Variants in GRIK1 observed in about 807,000 individuals in gnomAD.
The protein encoded by GRIK1 is glutamate receptor ionotropic, kainate 1.
A neutral mutation model predicts 105.7 loss-of-function variants in GRIK1; 69 were observed. The observed-to-expected ratio is 0.65, with a 90% CI of 0.54 to 0.80. The LOEUF (loss-of-function observed/expected upper bound fraction) is 0.80. Ranked by LOEUF, GRIK1 falls within the 30% of genes least tolerant of loss-of-function variation. The pLI is 0.00. For missense variants in GRIK1, 1,109 were observed against 1,167.3 expected (o/e 0.95, Z 0.73); for synonymous variants, 438 against 431.3 (o/e 1.02, Z -0.19).
intron 2 of GRIK1, among the ~76,000 whole-genome samples, chr21:29,691,297 C>T (rs182564304): frequency 3.7e-4 from 56 of 152,200 alleles, no homozygotes; most frequent in African/African-American, 1.2e-3. Context: ...GGTGACAGAG[C>T]GAGACTCTGT....
chr21:29,922,870 T>G (rs1384173899), intron 1 of GRIK1, among the ~76,000 whole-genome samples: 1 of 152,188 alleles, frequency 6.6e-6, no homozygotes, highest in Admixed American at 6.5e-5. Flanking sequence ...CTGTTTTATT[T>G]CCTCAGGAAG....
chr21:29,732,537 AT>A (rs1337350905), intron 1 of GRIK1, among the ~76,000 whole-genome samples: 1 of 152,154 alleles, frequency 6.6e-6, no homozygotes, highest in Non-Finnish European at 1.5e-5. Context: ...CAGTAGATTA[AT>A]TTTTGAGTTG....
At chr21:29,767,812 A>G (rs1037997054) in intron 1 of GRIK1, among the ~76,000 whole-genome samples, 3 of 145,732 alleles carry the variant, frequency 2.1e-5, no homozygotes, top group Admixed American at 6.8e-5. Flanking sequence ...ATTTGTATGT[A>G]TGTGTGTGTG....
chr21:29,673,151 T>G lies in GRIK1; in HGVS notation c.558A>C (p.Leu186=), dbSNP rs574722235. Residue 186 remains leucine, a synonymous_variant, in exon 4 of 18, where the codon CTA becomes CTC. Coordinates refer to ENST00000327783, the MANE Select transcript of GRIK1 (RefSeq NM_001330994.2). ...VYEDSTGLIR[L]QELIKAPSRY... is the part of the protein sequence containing the mutation. ...TGGAGGGAGCTTTGATGAGCTCTTG[T>G]AGACGAATTAGACCTAGAAAATGAC... The G allele has an allele frequency of 6.2e-7, 1 of 1,606,366 alleles. No homozygotes were observed. Among genetic ancestry groups the G allele is most frequent in the South Asian group, 1.1e-5 (1 of 90,664 alleles).
Position 29,591,145 on chromosome 21 carries a change from C to T in GRIK1, c.1332G>A (p.Leu444=). ...TGGTGACAATGAGTGTTCTGTTGGC[C>T]AATGAATCAGTGATATTGCTGGACT... ...KDKSSNITDS[L]ANRTLIVTTI... The change falls in exon 10 of 18, where the codon TTG becomes TTA. Residue 444 remains leucine (L), a synonymous_variant. Coordinates refer to ENST00000327783, the MANE Select transcript of GRIK1 (RefSeq NM_001330994.2). 6.2e-7 allele frequency: 1 copy of T among 1,606,384 alleles called. No homozygotes were observed. The highest frequency in any genetic ancestry group is 8.5e-7 in the Non-Finnish European group (1 of 1,172,910).
intron 1 of GRIK1, among the ~76,000 whole-genome samples, chr21:29,832,538 C>A (rs538456491): frequency 2.6e-5 from 4 of 152,194 alleles, no homozygotes; most frequent in Admixed American, 1.3e-4. Context: ...ACAGGCTTAA[C>A]AGCACATGGA....
chr21:29,738,259 A>ATG (rs1468877568), intron 1 of GRIK1, among the ~76,000 whole-genome samples: 1 of 152,232 alleles, frequency 6.6e-6, no homozygotes, highest in East Asian at 1.9e-4. Flanking sequence ...GGGTGTGTAT[A>ATG]TGTGTGCTCA....
intron 1 of GRIK1, among the ~76,000 whole-genome samples, chr21:29,796,305 T>C (rs2145838631): frequency 6.6e-6 from 1 of 152,264 alleles, no homozygotes; most frequent in African/African-American, 2.4e-5. Flanking sequence ...TTGAAGTCCC[T>C]AGTTAATGTC....
At chr21:29,554,977 A>G (rs2024922822) in intron 16 of GRIK1, 75 bp downstream of exon 16, 1 of 1,266,110 alleles carries the variant, frequency 7.9e-7, no homozygotes, top group Non-Finnish European at 1.1e-6. Flanking sequence ...AAGAGCAAAC[A>G]TCCTTAAAAA....
intron 1 of GRIK1, among the ~76,000 whole-genome samples, chr21:29,752,236 G>A (rs1158429349): frequency 6.6e-6 from 1 of 152,192 alleles, no homozygotes; most frequent in East Asian, 1.9e-4. Flanking sequence ...GCTAGAATGG[G>A]CTGGGACTTG....
intron 1 of GRIK1, among the ~76,000 whole-genome samples, chr21:29,705,616 G>T (rs1483513569): frequency 6.6e-6 from 1 of 152,088 alleles, no homozygotes; most frequent in African/African-American, 2.4e-5. Flanking sequence ...TAGACATCAG[G>T]TTCTTGATCA....
At chr21:29,867,140 G>A (rs468758) in intron 1 of GRIK1, among the ~76,000 whole-genome samples, 33,982 of 152,036 alleles carry the variant, frequency 0.22, 4,046 homozygotes, top group East Asian at 0.41. Context: ...TCTGGGTGCA[G>A]GTAGTGACTT....
At chr21:29,580,250 C>T (rs1033746365) in intron 13 of GRIK1, among the ~76,000 whole-genome samples, 1 of 150,950 alleles carries the variant, frequency 6.6e-6, no homozygotes, top group African/African-American at 2.4e-5. Flanking sequence ...AAAGTAATTG[C>T]TCACAAGATA....
intron 4 of GRIK1, among the ~76,000 whole-genome samples, chr21:29,664,030 A>T (rs2063015031): frequency 6.6e-6 from 1 of 152,204 alleles, no homozygotes; most frequent in Non-Finnish European, 1.5e-5. Context: ...GAAAGGTGAG[A>T]GCAAGTAAGG....
At chr21:29,748,548 A>G (rs1393784669) in intron 1 of GRIK1, among the ~76,000 whole-genome samples, 2 of 152,234 alleles carry the variant, frequency 1.3e-5, no homozygotes, top group Admixed American at 6.5e-5. Context: ...AACTTTGTGC[A>G]ATGTTTTACA....
intron 16 of GRIK1, among the ~76,000 whole-genome samples, chr21:29,554,235 T>C (rs1479731430): frequency 6.6e-6 from 1 of 152,212 alleles, no homozygotes; most frequent in Non-Finnish European, 1.5e-5. Flanking sequence ...ATAGTCATAG[T>C]CTTAAAATTC....
intron 7 of GRIK1, among the ~76,000 whole-genome samples, chr21:29,636,559 T>C (rs1482621359): frequency 3.3e-5 from 5 of 152,192 alleles, no homozygotes; most frequent in Non-Finnish European, 7.3e-5. Flanking sequence ...AGCAGCAGAA[T>C]CACCAAGTGG....
chr21:29,874,678 A>G (rs2069131292), intron 1 of GRIK1, among the ~76,000 whole-genome samples: 1 of 152,196 alleles, frequency 6.6e-6, no homozygotes, highest in African/African-American at 2.4e-5. Context: ...GAGAGAATAG[A>G]GTATGGACAA....
At chr21:29,935,394 T>C (rs1046082328) in intron 1 of GRIK1, among the ~76,000 whole-genome samples, 1 of 152,052 alleles carries the variant, frequency 6.6e-6, no homozygotes, top group Non-Finnish European at 1.5e-5. Context: ...GTCTGGCTCA[T>C]GCTAGGGAAG....
Sources: allele counts gnomAD v4.1 joint callset (sites outside exome capture counted in the v4.1 genomes callset), GRCh38; gene constraint gnomAD v4.1.1; transcripts MANE v1.5; gene names NCBI Gene and HGNC (gene_info 2026-07-23, HGNC 2026-07-21).